WFDC1: variants seen among roughly 807,000 people sequenced by gnomAD.
WFDC1 encodes the protein WAP four-disulfide core domain protein 1.
Under a neutral mutation model 32.9 loss-of-function variants are expected in WFDC1, and 39 were observed. That is an observed-to-expected ratio of 1.19 (90% CI 0.92 to 1.55). WFDC1 has a LOEUF of 1.55. WFDC1 is among the 40% of genes most tolerant of loss of function. The pLI is 0.00. For missense variants in WFDC1, 386 were observed against 309.5 expected (o/e 1.25, Z -1.85); for synonymous variants, 184 against 137.4 (o/e 1.34, Z -2.37).
At chr16:84,314,105 C>A (rs573201916) in intron 2 of WFDC1, among the ~76,000 whole-genome samples, 32 of 152,102 alleles carry the variant, frequency 2.1e-4, no homozygotes, top group African/African-American at 7.2e-4. Context: ...ACCTGCCACT[C>A]CAAAGTGCTC....
rs570586050 is a variant in WFDC1, at chr16:84,295,094, G to A, written c.123G>A (p.Ala41=). Reference sequence around the variant, plus strand: ...ATATCTGGAAACGGGCATTGCCTGCGAGGCTGGCCGAGAAATCCCGTGTAA... The same window carrying A: ...ATATCTGGAAACGGGCATTGCCTGCAAGGCTGGCCGAGAAATCCCGTGTAA... ...AKNIWKRALP[A]RLAEKSRAEE... The change falls in exon 1 of 7, where the codon GCG becomes GCA. Residue 41 remains alanine, a synonymous_variant. Coordinates refer to ENST00000219454, the MANE Select transcript of WFDC1 (RefSeq NM_021197.4). 6.8e-6 allele frequency: 11 copies of A among 1,613,966 alleles called. No individual in the cohort carries two copies. Among genetic ancestry groups the A allele is most frequent in the African/African-American group, 6.7e-5 (5 of 74,946 alleles).
chr16:84,324,787 T>C (rs1908491821), intron 5 of WFDC1, among the ~76,000 whole-genome samples: 2 of 152,172 alleles, frequency 1.3e-5, no homozygotes, highest in Admixed American at 6.5e-5. Flanking sequence ...CATTGATCCA[T>C]CCATCTCTCC....
intron 4 of WFDC1, among the ~76,000 whole-genome samples, chr16:84,319,957 A>G (rs980587645): frequency 1.3e-5 from 2 of 152,220 alleles, no homozygotes; most frequent in East Asian, 3.8e-4. Flanking sequence ...GCCCTAAGGA[A>G]TAGTAGGTGG....
chr16:84,295,405 G>A (rs1422603451), intron 1 of WFDC1: 1 of 494,806 alleles, frequency 2.0e-6, no homozygotes, highest in African/African-American at 2.0e-5. Context: ...CTGAAAGACA[G>A]CATCTCATTT....
At chr16:84,318,462 C>T in intron 3 of WFDC1, 107 bp downstream of exon 3, 6 of 1,050,732 alleles carry the variant, frequency 5.7e-6, no homozygotes, top group Admixed American at 2.0e-5. Flanking sequence ...CATGCACGGG[C>T]CCTTCAGCCA....
rs752577401 is a variant in WFDC1 at position 84,294,958 on chromosome 16, T to C, written c.-14T>C. ...CTTCTGTGTGCGTCTGGAAGGTCGC[T>C]GCCCAGGGAGGAAATGCCTTTAACC... On this transcript the variant is annotated 5_prime_UTR_variant, in exon 1 of 7. Transcript: ENST00000219454. 1 of 1,608,420 alleles carries C rather than the reference T, an allele frequency of 6.2e-7. No individual in the cohort carries two copies. The highest frequency in any genetic ancestry group is 8.5e-7 in the Non-Finnish European group (1 of 1,177,066).
intron 1 of WFDC1, among the ~76,000 whole-genome samples, chr16:84,301,807 T>C (rs1431762915): frequency 6.6e-6 from 1 of 152,132 alleles, no homozygotes; most frequent in Non-Finnish European, 1.5e-5. Context: ...CAAATCACTT[T>C]CTCCTCGCTG....
intron 1 of WFDC1, among the ~76,000 whole-genome samples, chr16:84,311,077 C>T (rs1907587810): frequency 2.6e-5 from 4 of 152,112 alleles, no homozygotes; most frequent in Admixed American, 6.6e-5. Flanking sequence ...CTGCTCACCA[C>T]GCACCCCATT....
intron 1 of WFDC1, among the ~76,000 whole-genome samples, chr16:84,296,347 T>C (rs531627219): frequency 2.0e-5 from 3 of 152,338 alleles, no homozygotes; most frequent in East Asian, 3.9e-4. Context: ...GTTTCACTAA[T>C]GTGTGCCCCT....
intron 4 of WFDC1, among the ~76,000 whole-genome samples, chr16:84,323,903 C>T (rs1016265769): frequency 1.3e-5 from 2 of 152,242 alleles, no homozygotes; most frequent in Non-Finnish European, 2.9e-5. Flanking sequence ...GGTGAATCAC[C>T]TGAGGTCAGG....
intron 2 of WFDC1, chr16:84,318,038 T>C (rs1908060925): frequency 1.0e-5 from 5 of 490,140 alleles, no homozygotes; most frequent in Non-Finnish European, 1.9e-5. Flanking sequence ...CTCACATCTT[T>C]GTAGCTGCAA....
At chr16:84,317,646 C>G (rs1433547981) in intron 2 of WFDC1, 1 of 153,190 alleles carries the variant, frequency 6.5e-6, no homozygotes, top group African/African-American at 2.4e-5. Context: ...ATACACCAAA[C>G]TTCAGTGACA....
Position 84,319,448 on chromosome 16 carries a change from A to G in WFDC1, c.439A>G (p.Thr147Ala), listed in dbSNP as rs1908166432. ...EVLQAEACST[T>A]EDGAEPLLCP... ...TCCTGCAGCAGAGGCGTGCAGCACC[A>G]CGGAGGATGGGGCCGAACCCCTGCT... is the stretch of plus-strand genomic sequence containing the variant. The change falls in exon 4 of 7, where the codon ACG becomes GCG. Residue 147 changes from threonine (T) to alanine (A), a missense_variant. Coordinates refer to ENST00000219454, the MANE Select transcript of WFDC1 (RefSeq NM_021197.4). 1 of 1,611,058 alleles carries G rather than the reference A, an allele frequency of 6.2e-7. No individual in the cohort carries two copies. Among genetic ancestry groups the G allele is most frequent in the Non-Finnish European group, 8.5e-7 (1 of 1,179,894 alleles).
intron 4 of WFDC1, among the ~76,000 whole-genome samples, chr16:84,320,527 A>C (rs1908245763): frequency 6.6e-6 from 1 of 152,224 alleles, no homozygotes; most frequent in Non-Finnish European, 1.5e-5. Flanking sequence ...TAATTTTCCC[A>C]AGAAAAGAAA....
In WFDC1 at chr16:84,329,481, G is replaced by A. The variant is rs1215437843; in HGVS notation, c.*175G>A. On this transcript the variant is annotated 3_prime_UTR_variant, in exon 7 of 7. Transcript: ENST00000219454. ...ATCAAACCCAGTTTGGCCCAGCCTG[G>A]TTGGGTGACTTTGTGGGAGCCACTT... 2 of 152,186 alleles carry A rather than the reference G, an allele frequency of 1.3e-5. No homozygotes were observed. Among genetic ancestry groups the A allele is most frequent in the Non-Finnish European group, 2.9e-5 (2 of 68,044 alleles). The allele number at this position is 152,186 out of a possible 1,614,324, so 9.4% of individuals were successfully genotyped here.
intron 1 of WFDC1, among the ~76,000 whole-genome samples, chr16:84,310,995 A>C (rs1017357605): frequency 6.6e-6 from 1 of 152,214 alleles, no homozygotes; most frequent in African/African-American, 2.4e-5. Context: ...GAGGCAGCGC[A>C]AGCCAGGGTG....
chr16:84,305,552 A>G (rs769800902), intron 1 of WFDC1, among the ~76,000 whole-genome samples: 2 of 152,232 alleles, frequency 1.3e-5, no homozygotes, highest in Non-Finnish European at 2.9e-5. Context: ...TTTCTTCTGC[A>G]TCTGCTGAGC....
rs748309519 is a variant in WFDC1, at chr16:84,318,267, G to C, written c.338-5G>C. The C allele has an allele frequency of 1.9e-6, 3 of 1,613,980 alleles. No homozygotes were observed. The highest frequency in any genetic ancestry group is 2.7e-5 in the African/African-American group (2 of 74,938). ...GGGCCCTGATCTGACCCCGTATTGTGTTAGTCTTAGACTGGCTGGTGCAGC... is the reference window on the plus strand; with the variant it reads ...GGGCCCTGATCTGACCCCGTATTGTCTTAGTCTTAGACTGGCTGGTGCAGC... On this transcript the variant is annotated splice_region_variant and splice_polypyrimidine_tract_variant and intron_variant, in intron 2 of 6. Transcript: ENST00000219454.
chr16:84,301,943 CTG>C (rs1875834247), intron 1 of WFDC1, among the ~76,000 whole-genome samples: 1 of 152,234 alleles, frequency 6.6e-6, no homozygotes, highest in Admixed American at 6.5e-5. Context: ...CAGGACACCT[CTG>C]TGCCAGCACT....
Sources: allele counts gnomAD v4.1 joint callset (sites outside exome capture counted in the v4.1 genomes callset), GRCh38; gene constraint gnomAD v4.1.1; transcripts MANE v1.5; gene names NCBI Gene and HGNC (gene_info 2026-07-23, HGNC 2026-07-21).